The following ARID1B variants were observed in gnomAD, a reference collection of about 807,000 sequenced individuals.
The protein encoded by ARID1B is AT-rich interaction domain 1B.
In ARID1B, 30 loss-of-function variants were observed where a neutral mutation model predicts 212.3. That is an observed-to-expected ratio of 0.14 (90% confidence interval 0.11 to 0.19). ARID1B has a LOEUF of 0.19. ARID1B is among the 10% of genes least tolerant of loss of function. The pLI, the probability that ARID1B is intolerant of heterozygous loss-of-function variation, is 1.00. For missense variants in ARID1B, 2,891 were observed against 3,204.0 expected (o/e 0.90, Z 2.36); for synonymous variants, 1,402 against 1,301.7 (o/e 1.08, Z -1.66).
In ARID1B at chr6:156,955,519, A is replaced by ATTT. The variant is rs1160392490; in HGVS notation, c.2247+19944_2247+19945insTTT. Among the ~76,000 whole-genome samples, 3 of 152,242 alleles carry ATTT rather than the reference A, an allele frequency of 2.0e-5. No individual in the cohort carries two copies. Among genetic ancestry groups the ATTT allele is most frequent in the Admixed American group, 2.0e-4 (3 of 15,288 alleles). On this transcript the variant is annotated intron_variant, in intron 4 of 19. Coordinates refer to ENST00000636930, the MANE Select transcript of ARID1B (RefSeq NM_001374828.1). The surrounding 1 kb of genome is among the most constrained non-coding windows in gnomAD (Gnocchi z 4.2). ...TATGACTTCCAATGATGTAACACAT[A>ATTT]TAAAGGCTCTGTAATAATTGAAAGT...
At chr6:156,975,515 T>A (rs948607652) in intron 4 of ARID1B, among the ~76,000 whole-genome samples, 9 of 152,052 alleles carry the variant, frequency 5.9e-5, no homozygotes, top group Non-Finnish European at 8.8e-5. Flanking sequence ...TTACCATTTT[T>A]AAAAATCACT....
At chr6:156,807,467 AAG>A (rs925226909) in intron 1 of ARID1B, among the ~76,000 whole-genome samples, 1 of 151,462 alleles carries the variant, frequency 6.6e-6, no homozygotes, top group African/African-American at 2.4e-5. Flanking sequence ...TTTTTTGAAA[AAG>A]AGAGTTACAG....
In ARID1B at chr6:157,140,963, T is replaced by A. The variant is rs1490063412; in HGVS notation, c.2762-7661T>A. On this transcript the variant is annotated intron_variant, in intron 7 of 19. Transcript: ENST00000636930. ...CCTGCCACCAGGACATAAGCTCTTGTCTTCATTCACTGCTGAATCCCCAGC... is the reference window on the plus strand; with the variant it reads ...CCTGCCACCAGGACATAAGCTCTTGACTTCATTCACTGCTGAATCCCCAGC... The A allele has an allele frequency of 1.0e-5, 3 of 294,978 alleles. No individual in the cohort carries two copies. The East Asian group carries it at 1.7e-4, about 16-fold the overall frequency. The allele number at this position is 294,978 out of a possible 1,614,324, so 18.3% of individuals were successfully genotyped here.
intron 4 of ARID1B, among the ~76,000 whole-genome samples, chr6:157,053,017 G>C (rs572942580): frequency 6.6e-6 from 1 of 151,220 alleles, no homozygotes; most frequent in African/African-American, 2.4e-5. Context: ...CACACCCAGC[G>C]CTAAGAGCAG....
intron 8 of ARID1B, among the ~76,000 whole-genome samples, chr6:157,154,066 A>C (rs1583414818): frequency 6.6e-6 from 1 of 152,294 alleles, no homozygotes; most frequent in South Asian, 2.1e-4. Flanking sequence ...CCTAGATGGT[A>C]CCTGGTGATG....
At chr6:157,093,343 C>G (rs1785402377) in intron 5 of ARID1B, among the ~76,000 whole-genome samples, 1 of 152,140 alleles carries the variant, frequency 6.6e-6, no homozygotes, top group Non-Finnish European at 1.5e-5. Flanking sequence ...ATTTCCCAGT[C>G]TTCTGATAAC....
intron 5 of ARID1B, among the ~76,000 whole-genome samples, chr6:157,097,231 CTT>C (rs1297110214): frequency 6.6e-6 from 1 of 152,162 alleles, no homozygotes; most frequent in Non-Finnish European, 1.5e-5. Context: ...TAAATTGACA[CTT>C]AATTCTATAT....
At chr6:156,818,293 T>C (rs1330049640) in intron 1 of ARID1B, among the ~76,000 whole-genome samples, 1 of 152,120 alleles carries the variant, frequency 6.6e-6, no homozygotes, top group Non-Finnish European at 1.5e-5. Context: ...GCAAATAGCC[T>C]GTGTATCAGC....
At chr6:156,997,793 A>T (rs1778682821) in intron 4 of ARID1B, among the ~76,000 whole-genome samples, 1 of 152,170 alleles carries the variant, frequency 6.6e-6, no homozygotes, top group South Asian at 2.1e-4. Flanking sequence ...TCTCCTATTA[A>T]GAATTGGCGT....
At chr6:156,811,625 G>T (rs1202101488) in intron 1 of ARID1B, among the ~76,000 whole-genome samples, 62 of 152,172 alleles carry the variant, frequency 4.1e-4, no homozygotes, top group Admixed American at 3.9e-3. Context: ...GAGAGAGGAT[G>T]CAAGAGCCTG....
chr6:156,930,323 C>T (rs1267841605), intron 3 of ARID1B, among the ~76,000 whole-genome samples: 1 of 152,172 alleles, frequency 6.6e-6, no homozygotes, highest in African/African-American at 2.4e-5. Flanking sequence ...TGCTCTCTCC[C>T]TTGCTGCTCC....
At chr6:157,132,965 T>A (rs1430722586) in intron 6 of ARID1B, 63 bp from the exon 7 acceptor site, 1 of 1,514,806 alleles carries the variant, frequency 6.6e-7, no homozygotes, top group African/African-American at 1.4e-5. Context: ...CCATGTCCAT[T>A]TTTATGTATG....
At chr6:157,174,219 G>T (rs946014217) in intron 10 of ARID1B, 102 bp downstream of exon 10, 10 of 962,700 alleles carry the variant, frequency 1.0e-5, no homozygotes, top group Admixed American at 4.0e-5. Context: ...TTTTCATTTG[G>T]TCTCCTCTGC....
At chr6:156,799,616 A>G (rs1255766517) in intron 1 of ARID1B, among the ~76,000 whole-genome samples, 4 of 152,156 alleles carry the variant, frequency 2.6e-5, no homozygotes, top group Non-Finnish European at 5.9e-5. Context: ...AGCTGGGATT[A>G]CAGATGTGCA....
chr6:156,783,477 G>A (rs1354758658), intron 1 of ARID1B, among the ~76,000 whole-genome samples: 1 of 152,148 alleles, frequency 6.6e-6, no homozygotes, highest in Non-Finnish European at 1.5e-5. Context: ...GAATGCGGTT[G>A]AGTTTTCAGT....
chr6:156,894,014 A>G (rs1788172383), intron 2 of ARID1B, among the ~76,000 whole-genome samples: 1 of 152,206 alleles, frequency 6.6e-6, no homozygotes, highest in Non-Finnish European at 1.5e-5. Flanking sequence ...ATTTTTCACA[A>G]TACTCAAAAG....
At chr6:156,934,481 G>A (rs1791998598) in intron 3 of ARID1B, among the ~76,000 whole-genome samples, 1 of 152,092 alleles carries the variant, frequency 6.6e-6, no homozygotes, top group African/African-American at 2.4e-5. Flanking sequence ...TGCCTATTCA[G>A]GTTTTTTGGG....
chr6:157,149,272 A>G (rs879495733), intron 8 of ARID1B: 4 of 300,784 alleles, frequency 1.3e-5, no homozygotes, highest in South Asian at 1.6e-4. Context: ...CGTGGTACCA[A>G]TTGAAGCAGT....
In ARID1B at chr6:157,203,760, T is replaced by C; in HGVS notation, c.5264-106T>C. 7.4e-7 allele frequency: 1 copy of C among 1,358,542 alleles called. No homozygotes were observed. The highest frequency in any genetic ancestry group is 1.4e-5 in the African/African-American group (1 of 69,404). 84.2% of individuals were successfully genotyped at this position (1,358,542 alleles called of 1,614,324 possible). The stretch of plus-strand genomic sequence containing the variant: ...CTTGAGAGCATTTGTTTAAAGTCAA[T>C]ATTTAACTTAACACTCCACTTATTT... On this transcript the variant is annotated intron_variant, in intron 18 of 19. Coordinates refer to ENST00000636930, the MANE Select transcript of ARID1B (RefSeq NM_001374828.1). This position sits in a 1 kb window ranked among gnomAD's most constrained non-coding sequence, Gnocchi z 4.4.
Sources: gnomAD v4.1 joint callset for allele counts (sites outside exome capture counted in the v4.1 genomes callset) on GRCh38, gnomAD v4.1.1 for gene constraint, Gnocchi (gnomAD v3.1) non-coding constraint, MANE v1.5 for transcripts, NCBI Gene and HGNC (gene_info 2026-07-23, HGNC 2026-07-21) for gene names.